Variants in FNDC3A observed in about 807,000 individuals in gnomAD.
The protein encoded by FNDC3A is fibronectin type-III domain-containing protein 3A.
In FNDC3A, 32 loss-of-function variants were observed where a neutral mutation model predicts 148.9. That is an observed-to-expected ratio of 0.21 (90% CI 0.16 to 0.29). The LOEUF (loss-of-function observed/expected upper bound fraction) is 0.29, where lower values mean the gene tolerates loss of function less well. FNDC3A is among the 10% of genes least tolerant of loss of function. The probability of loss-of-function intolerance (pLI) is 1.00; values close to 1 mark genes in which losing one functional copy is unlikely to be tolerated. For synonymous variants in FNDC3A, 472 were observed against 473.6 expected (o/e 1.00, Z 0.04); for missense variants, 1,191 against 1,452.8 (o/e 0.82, Z 2.93).
At chr13:49,186,195 T>G in intron 15 of FNDC3A, 93 bp downstream of exon 15, 1 of 1,117,118 alleles carries the variant, frequency 9.0e-7, no homozygotes, top group Non-Finnish European at 1.3e-6. Context: ...TTGAGTAAAT[T>G]TGTTATCTCA....
In FNDC3A at chr13:49,167,225, A is replaced by G; in HGVS notation, c.978-19A>G. ...ATGCTTTATTTATCAGACATGATATATTACCCTTTTTTCCCCAGAGGAGAA... is the reference window on the plus strand; with the variant it reads ...ATGCTTTATTTATCAGACATGATATGTTACCCTTTTTTCCCCAGAGGAGAA... On this transcript the variant is annotated intron_variant, in intron 8 of 25. Coordinates refer to ENST00000492622, the MANE Select transcript of FNDC3A (RefSeq NM_001079673.2). 1 of 1,536,782 alleles carries G rather than the reference A, an allele frequency of 6.5e-7. No individual in the cohort carries two copies. The highest frequency in any genetic ancestry group is 2.3e-5 in the East Asian group (1 of 44,068).
intron 8 of FNDC3A, among the ~76,000 whole-genome samples, chr13:49,157,718 T>G (rs1397122376): frequency 1.5e-5 from 2 of 134,742 alleles, no homozygotes; most frequent in Non-Finnish European, 3.2e-5. Flanking sequence ...GTCCTTTCTG[T>G]TTGTTAGTTT....
At chr13:49,080,791 A>C (rs533880766) in intron 3 of FNDC3A, among the ~76,000 whole-genome samples, 1 of 152,202 alleles carries the variant, frequency 6.6e-6, no homozygotes, top group Admixed American at 6.5e-5. Context: ...AGCATATTTC[A>C]TAGAGAATAT....
intron 8 of FNDC3A, among the ~76,000 whole-genome samples, chr13:49,158,198 GC>G (rs1401962045): frequency 5.9e-5 from 9 of 152,196 alleles, no homozygotes; most frequent in Non-Finnish European, 1.0e-4. Flanking sequence ...GACCCTCCGA[GC>G]CAGGTGCAGG....
At chr13:49,167,373 C>A in intron 9 of FNDC3A, 70 bp downstream of exon 9, 2 of 826,000 alleles carry the variant, frequency 2.4e-6, no homozygotes, top group Non-Finnish European at 1.9e-6. Flanking sequence ...TAATTATTTT[C>A]TTAAAAATCT....
rs1879127354 is a variant in FNDC3A at position 49,090,643 on chromosome 13, A to G, written c.175+15279A>G. Among the ~76,000 whole-genome samples the G allele has an allele frequency of 2.0e-5, 3 of 146,490 alleles. No individual in the cohort carries two copies. The Admixed American group carries it at 2.1e-4, about 10-fold the overall frequency. On this transcript the variant is annotated intron_variant, in intron 3 of 25. Transcript: ENST00000492622. ...ACTTCCAGGGGATTTAAAGAACAAC[A>G]CCCTTTTATCCCCCACTTTGTTTTC...
intron 8 of FNDC3A, among the ~76,000 whole-genome samples, chr13:49,155,927 G>A (rs1432045969): frequency 2.2e-4 from 29 of 133,256 alleles, no homozygotes; most frequent in Non-Finnish European, 4.1e-4. Context: ...GCTGAGGAGA[G>A]CTTTACTTCC....
chr13:49,127,210 T>C (rs1881754209), intron 4 of FNDC3A, among the ~76,000 whole-genome samples: 1 of 152,252 alleles, frequency 6.6e-6, no homozygotes, highest in East Asian at 1.9e-4. Flanking sequence ...TTCTGTGTTA[T>C]CAATTTCTTG....
chr13:49,197,676 AT>A, intron 20 of FNDC3A, 48 bp from the exon 21 acceptor site: 1 of 1,531,550 alleles, frequency 6.5e-7, no homozygotes. Flanking sequence ...GCCAAAAGCT[AT>A]TTAATCAACA....
At position 49,209,393 on chromosome 13, in the gene FNDC3A, A is replaced by T. The variant is rs1207705763; in HGVS notation, c.*1998A>T. ...GAAAACAATTTTTAATGTAATCTTGATTTTACCTCATATACTGTACATTCC... is the reference window on the plus strand; with the variant it reads ...GAAAACAATTTTTAATGTAATCTTGTTTTTACCTCATATACTGTACATTCC... On this transcript the variant is annotated 3_prime_UTR_variant, in exon 26 of 26. Coordinates refer to ENST00000492622, the MANE Select transcript of FNDC3A (RefSeq NM_001079673.2). 1 of 152,602 alleles carries T rather than the reference A, an allele frequency of 6.6e-6. No homozygotes were observed. Among genetic ancestry groups the T allele is most frequent in the Admixed American group, 6.5e-5 (1 of 15,282 alleles). 9.5% of individuals were successfully genotyped at this position (152,602 alleles called of 1,614,324 possible). A position where few individuals can be genotyped will look rare whatever the true frequency, so the allele number is the denominator to read the frequency against.
chr13:49,013,630 A>G (rs920334336), intron 2 of FNDC3A, among the ~76,000 whole-genome samples: 5 of 150,272 alleles, frequency 3.3e-5, no homozygotes, highest in Admixed American at 6.6e-5. Flanking sequence ...ACGTGTATAC[A>G]TGTATACATG....
intron 2 of FNDC3A, among the ~76,000 whole-genome samples, chr13:49,072,766 G>A (rs1000155248): frequency 7.9e-5 from 12 of 152,250 alleles, no homozygotes; most frequent in Non-Finnish European, 1.3e-4. Flanking sequence ...TTACAGGCAT[G>A]AGCCACCATG....
intron 7 of FNDC3A, among the ~76,000 whole-genome samples, chr13:49,139,410 C>T (rs1277200504): frequency 1.3e-5 from 2 of 152,132 alleles, no homozygotes; most frequent in African/African-American, 4.8e-5. Flanking sequence ...TACTCTTTCC[C>T]AACTCTCAGA....
At chr13:49,026,504 T>C (rs1298563054) in intron 2 of FNDC3A, among the ~76,000 whole-genome samples, 1 of 152,122 alleles carries the variant, frequency 6.6e-6, no homozygotes, top group Non-Finnish European at 1.5e-5. Context: ...TCATTTTGTT[T>C]TGTTTTATTG....
chr13:49,140,817 AAGAT>A (rs1882645839), intron 7 of FNDC3A, among the ~76,000 whole-genome samples: 1 of 152,222 alleles, frequency 6.6e-6, no homozygotes, highest in African/African-American at 2.4e-5. Context: ...CCAGGACAAA[AAGAT>A]AGAGAGCAGT....
At chr13:49,107,367 T>C (rs1451423778) in intron 3 of FNDC3A, among the ~76,000 whole-genome samples, 1 of 152,104 alleles carries the variant, frequency 6.6e-6, no homozygotes, top group Non-Finnish European at 1.5e-5. Context: ...AGAAAAAAAG[T>C]GTCAGTGAGA....
chr13:49,155,653 A>AT (rs1290457143), intron 8 of FNDC3A, among the ~76,000 whole-genome samples: 1 of 115,076 alleles, frequency 8.7e-6, no homozygotes, highest in Admixed American at 9.3e-5. Flanking sequence ...TCTTGTGGGC[A>AT]TTTAGTGCTA....
chr13:48,994,301 A>G (rs908275834), intron 1 of FNDC3A, among the ~76,000 whole-genome samples: 3 of 152,240 alleles, frequency 2.0e-5, no homozygotes, highest in African/African-American at 7.2e-5. Context: ...GACATGGCAA[A>G]TAGTAGTGTG....
intron 4 of FNDC3A, among the ~76,000 whole-genome samples, chr13:49,120,058 A>G (rs1038047879): frequency 6.7e-6 from 1 of 149,348 alleles, no homozygotes; most frequent in African/African-American, 2.5e-5. Context: ...CAAGGTAGAC[A>G]TGAAGGAAAA....
Sources: allele counts gnomAD v4.1 joint callset (sites outside exome capture counted in the v4.1 genomes callset), GRCh38; gene constraint gnomAD v4.1.1; transcripts MANE v1.5; gene names NCBI Gene and HGNC (gene_info 2026-07-23, HGNC 2026-07-21).